The following IGF2BP3 variants were observed in gnomAD, a reference collection of about 807,000 sequenced individuals.
IGF2BP3 encodes the protein insulin-like growth factor 2 mRNA-binding protein 3.
A neutral mutation model predicts 73.8 loss-of-function variants in IGF2BP3; 9 were observed. The observed-to-expected ratio is 0.12, with a 90% CI of 0.07 to 0.21. The LOEUF (loss-of-function observed/expected upper bound fraction) is 0.21, where lower values mean the gene tolerates loss of function less well. Ranked by LOEUF, IGF2BP3 falls within the 10% of genes least tolerant of loss-of-function variation. The pLI is 1.00. For synonymous variants in IGF2BP3, 258 were observed against 256.7 expected, an observed-to-expected ratio of 1.01 and a Z score of -0.05; for missense variants, 542 against 714.0, an observed-to-expected ratio of 0.76 and a Z score of 2.75.
chr7:23,433,497 T>C (rs1374023714), intron 2 of IGF2BP3, among the ~76,000 whole-genome samples: 1 of 151,990 alleles, frequency 6.6e-6, no homozygotes. Context: ...TTTTTTTTTT[T>C]TTTTTGAGAC....
chr7:23,440,654 T>C (rs1449165863), intron 2 of IGF2BP3, among the ~76,000 whole-genome samples: 1 of 152,134 alleles, frequency 6.6e-6, no homozygotes, highest in African/African-American at 2.4e-5. Context: ...ACATAAGCTA[T>C]CCCGACATAC....
chr7:23,466,751 C>T (rs1788575044), intron 2 of IGF2BP3, among the ~76,000 whole-genome samples: 1 of 152,136 alleles, frequency 6.6e-6, no homozygotes, highest in South Asian at 2.1e-4. Context: ...GAGAAATTCC[C>T]ATCGGTTAGC....
At chr7:23,327,522 C>T (rs1398927482) in intron 10 of IGF2BP3, among the ~76,000 whole-genome samples, 1 of 152,072 alleles carries the variant, frequency 6.6e-6, no homozygotes, top group Non-Finnish European at 1.5e-5. Context: ...ACCTCGTGAT[C>T]CGCCCGCCTC....
chr7:23,410,517 T>C (rs765821462), intron 3 of IGF2BP3, among the ~76,000 whole-genome samples: 2 of 152,116 alleles, frequency 1.3e-5, no homozygotes, highest in Non-Finnish European at 2.9e-5. Context: ...ACACCATTCA[T>C]ATATACCGGT....
At chr7:23,396,452 T>C (rs1253899337) in intron 3 of IGF2BP3, 1 of 182,700 alleles carries the variant, frequency 5.5e-6, no homozygotes, top group East Asian at 1.5e-4. Context: ...AGTCAAATAA[T>C]GAAATCACCC....
intron 13 of IGF2BP3, among the ~76,000 whole-genome samples, 195 bp from the exon 14 acceptor site, chr7:23,313,043 G>T (rs1187862233): frequency 6.6e-6 from 1 of 152,204 alleles, no homozygotes; most frequent in Non-Finnish European, 1.5e-5. Flanking sequence ...GATTTGTCCA[G>T]TTATACAAGT....
At chr7:23,434,335 T>C (rs1376569746) in intron 2 of IGF2BP3, among the ~76,000 whole-genome samples, 2 of 152,194 alleles carry the variant, frequency 1.3e-5, no homozygotes, top group South Asian at 2.1e-4. Flanking sequence ...AAAGTTGCAG[T>C]TGATCATTAT....
At chr7:23,376,537 A>G (rs571806970) in intron 3 of IGF2BP3, among the ~76,000 whole-genome samples, 408 of 118,734 alleles carry the variant, frequency 3.4e-3, no homozygotes, top group African/African-American at 0.011. Flanking sequence ...TCCATCTCCC[A>G]AAGAAAAAAA....
rs890144345 is a variant in IGF2BP3 at position 23,347,750 on chromosome 7, A to G, written c.684-16T>C. The G allele has an allele frequency of 5.0e-6, 8 of 1,613,872 alleles. No individual in the cohort carries two copies. The African/African-American group carries it at 9.3e-5, about 19-fold the overall frequency. ...GACATCGATTCTGATAGTGGGCGCA[A>G]GCAGAGAGGAAAACGAGAGCAGTAA... On this transcript the variant is annotated splice_polypyrimidine_tract_variant and intron_variant, in intron 6 of 14. Coordinates refer to ENST00000258729, the MANE Select transcript of IGF2BP3 (RefSeq NM_006547.3).
chr7:23,355,483 A>C (rs1229850447), intron 5 of IGF2BP3, among the ~76,000 whole-genome samples: 1 of 151,838 alleles, frequency 6.6e-6, no homozygotes, highest in African/African-American at 2.4e-5. Flanking sequence ...TACCTGCCTC[A>C]GCCTCCCAAA....
At chr7:23,335,457 G>GT (rs574414368) in intron 10 of IGF2BP3, among the ~76,000 whole-genome samples, 3,949 of 143,060 alleles carry the variant, frequency 0.028, 78 homozygotes, top group African/African-American at 0.058. Flanking sequence ...ATCTAAAAAA[G>GT]TTTTTTTTTT....
In IGF2BP3 at chr7:23,347,530, G is replaced by C. The variant is rs919545357; in HGVS notation, c.818+70C>G. 6 of 1,524,062 alleles carry C rather than the reference G, an allele frequency of 3.9e-6. No individual in the cohort carries two copies. In the Admixed American group the frequency reaches 7.2e-5, roughly 18 times the overall value. 94.4% of individuals were successfully genotyped at this position (1,524,062 alleles called of 1,614,324 possible). ...TGTTTGTTGGCAATTCCCAAGAATTGTGTCAGAGATGTCAAAAATACAAGA... is the reference window on the plus strand; with the variant it reads ...TGTTTGTTGGCAATTCCCAAGAATTCTGTCAGAGATGTCAAAAATACAAGA... On this transcript the variant is annotated intron_variant, in intron 7 of 14. Coordinates refer to ENST00000258729, the MANE Select transcript of IGF2BP3 (RefSeq NM_006547.3).
chr7:23,373,331 A>G (rs1365620685), intron 3 of IGF2BP3, among the ~76,000 whole-genome samples: 2 of 152,116 alleles, frequency 1.3e-5, no homozygotes, highest in African/African-American at 4.8e-5. Flanking sequence ...ACTTCCCCCA[A>G]CCCCTAGAAG....
At chr7:23,364,043 A>C (rs113206766) in intron 3 of IGF2BP3, among the ~76,000 whole-genome samples, 146 of 152,282 alleles carry the variant, frequency 9.6e-4, no homozygotes, top group African/African-American at 3.2e-3. Context: ...GTTCGAGACC[A>C]GCCTGGCCAA....
chr7:23,363,315 T>C (rs1011408603), intron 3 of IGF2BP3, among the ~76,000 whole-genome samples: 10 of 152,070 alleles, frequency 6.6e-5, no homozygotes, highest in Non-Finnish European at 1.2e-4. Context: ...GGCACGACCA[T>C]AGATCACTGT....
chr7:23,339,568 T>G (rs2128500249), intron 10 of IGF2BP3, among the ~76,000 whole-genome samples: 1 of 152,374 alleles, frequency 6.6e-6, no homozygotes, highest in East Asian at 1.9e-4. Context: ...AAGAATGTTC[T>G]ATTCTGTGAT....
Position 23,380,257 on chromosome 7 carries a change from G to A in IGF2BP3, c.286-18516C>T, listed in dbSNP as rs571620397. On this transcript the variant is annotated intron_variant, in intron 3 of 14. Transcript: ENST00000258729. Reference sequence around the variant, plus strand: ...CAGCTCACTGCAACCTCCGCCTCCCGGGTTCACGCCATTCTCCTGCCTCAG... The same window carrying A: ...CAGCTCACTGCAACCTCCGCCTCCCAGGTTCACGCCATTCTCCTGCCTCAG... Among the ~76,000 whole-genome samples, 472 of 147,664 alleles carry A rather than the reference G, an allele frequency of 3.2e-3. 3 individuals carry two copies. The highest frequency in any genetic ancestry group is 0.011 in the African/African-American group (449 of 39,628).
chr7:23,432,258 A>C (rs1426700964), intron 2 of IGF2BP3, among the ~76,000 whole-genome samples: 1 of 152,202 alleles, frequency 6.6e-6, no homozygotes. Flanking sequence ...AAAAGACTGA[A>C]TGTTTTTCTA....
At chr7:23,449,243 C>T (rs1319497317) in intron 2 of IGF2BP3, among the ~76,000 whole-genome samples, 1 of 151,916 alleles carries the variant, frequency 6.6e-6, no homozygotes, top group South Asian at 2.1e-4. Context: ...ACAGGCCGGG[C>T]GTGGTGGCTC....
Sources: allele counts gnomAD v4.1 joint callset (sites outside exome capture counted in the v4.1 genomes callset), GRCh38; gene constraint gnomAD v4.1.1; transcripts MANE v1.5; gene names NCBI Gene and HGNC (gene_info 2026-07-23, HGNC 2026-07-21).